FHIT: variants seen among roughly 807,000 people sequenced by gnomAD.
FHIT encodes fragile histidine triad diadenosine triphosphatase, also known as bis(5'-adenosyl)-triphosphatase.
A neutral mutation model predicts 17.9 loss-of-function variants in FHIT; 19 were observed. The ratio of observed to expected loss-of-function variants is 1.06; its 90% CI spans 0.74 to 1.56. The LOEUF is 1.56. Ranked by LOEUF, FHIT falls within the 40% of genes most tolerant of loss-of-function variation. The pLI is 0.00. For missense variants in FHIT, 248 were observed against 189.2 expected, an observed-to-expected ratio of 1.31 and a Z score of -1.82; for synonymous variants, 81 against 69.7, an observed-to-expected ratio of 1.16 and a Z score of -0.81.
At chr3:60,736,806 A>C (rs1350771590) in intron 4 of FHIT, among the ~76,000 whole-genome samples, 1 of 152,234 alleles carries the variant, frequency 6.6e-6, no homozygotes, top group Non-Finnish European at 1.5e-5. Flanking sequence ...TTATTTCAAT[A>C]AGAAAAATAT....
At chr3:60,901,320 G>A (rs1575664183) in intron 3 of FHIT, among the ~76,000 whole-genome samples, 1 of 152,216 alleles carries the variant, frequency 6.6e-6, no homozygotes, top group Admixed American at 6.5e-5. Context: ...CTCTTAAACT[G>A]TGCATTACCT....
intron 3 of FHIT, among the ~76,000 whole-genome samples, chr3:60,902,923 T>C (rs1341294282): frequency 6.6e-6 from 1 of 152,154 alleles, no homozygotes; most frequent in Admixed American, 6.5e-5. Flanking sequence ...AAGAGAGTCT[T>C]GGAAACAAGA....
chr3:60,805,535 C>T (rs1377123323), intron 4 of FHIT, among the ~76,000 whole-genome samples: 1 of 151,814 alleles, frequency 6.6e-6, no homozygotes, highest in African/African-American at 2.4e-5. Flanking sequence ...CATTAATTAC[C>T]TTTATTTTTA....
chr3:60,121,191 G>A (rs1705230144), intron 5 of FHIT, among the ~76,000 whole-genome samples: 1 of 152,088 alleles, frequency 6.6e-6, no homozygotes. Context: ...AAGGCTGTAA[G>A]AAGACAGAAG....
intron 5 of FHIT, among the ~76,000 whole-genome samples, chr3:60,336,270 G>A (rs1710235190): frequency 6.6e-6 from 1 of 152,188 alleles, no homozygotes; most frequent in African/African-American, 2.4e-5. Flanking sequence ...TGCTGATTCA[G>A]AAGTAAATGA....
At chr3:59,945,423 T>C (rs771652088) in intron 7 of FHIT, among the ~76,000 whole-genome samples, 19 of 152,170 alleles carry the variant, frequency 1.2e-4, no homozygotes, top group Non-Finnish European at 1.9e-4. Context: ...ATCTTATACT[T>C]TTGTCAGATG....
chr3:59,884,811 T>C (rs1477640972), intron 8 of FHIT, among the ~76,000 whole-genome samples: 1 of 152,184 alleles, frequency 6.6e-6, no homozygotes, highest in Non-Finnish European at 1.5e-5. Flanking sequence ...TATAGCAGGA[T>C]AGTATTAAAC....
intron 8 of FHIT, among the ~76,000 whole-genome samples, chr3:59,762,942 CCTT>C (rs1184726838): frequency 6.6e-6 from 1 of 152,162 alleles, no homozygotes; most frequent in African/African-American, 2.4e-5. Flanking sequence ...AAATGAAACT[CCTT>C]CTGAAAAGGA....
chr3:60,784,832 T>A (rs1411175857), intron 4 of FHIT, among the ~76,000 whole-genome samples: 1 of 152,178 alleles, frequency 6.6e-6, no homozygotes, highest in African/African-American at 2.4e-5. Flanking sequence ...AGTGCCCTTA[T>A]AAGGGGCTGA....
intron 5 of FHIT, among the ~76,000 whole-genome samples, chr3:60,204,442 T>TGG (rs199977808): frequency 5.1e-5 from 2 of 38,898 alleles, no homozygotes; most frequent in Non-Finnish European, 1.0e-4. Context: ...GCTAATATTC[T>TGG]GGTTTTTTTT....
At chr3:59,965,249 T>A (rs1181881179) in intron 7 of FHIT, among the ~76,000 whole-genome samples, 1 of 152,086 alleles carries the variant, frequency 6.6e-6, no homozygotes, top group African/African-American at 2.4e-5. Flanking sequence ...GTATGATATA[T>A]GGATGGAGGT....
At chr3:59,964,275 A>G (rs1397041984) in intron 7 of FHIT, among the ~76,000 whole-genome samples, 1 of 152,164 alleles carries the variant, frequency 6.6e-6, no homozygotes, top group Non-Finnish European at 1.5e-5. Flanking sequence ...GGAACATTTG[A>G]AATTAGCTTG....
intron 3 of FHIT, among the ~76,000 whole-genome samples, chr3:61,034,641 G>A (rs1008289156): frequency 5.3e-5 from 8 of 152,126 alleles, no homozygotes; most frequent in Non-Finnish European, 1.2e-4. Flanking sequence ...ACAAATGTTG[G>A]TAAAGATATA....
At chr3:59,948,551 A>AT (rs1706951809) in intron 7 of FHIT, among the ~76,000 whole-genome samples, 1 of 151,730 alleles carries the variant, frequency 6.6e-6, no homozygotes, top group African/African-American at 2.4e-5. Flanking sequence ...AAATAAATAA[A>AT]AAATAAATAA....
intron 4 of FHIT, among the ~76,000 whole-genome samples, chr3:60,632,973 C>T (rs1024555665): frequency 6.6e-6 from 1 of 152,088 alleles, no homozygotes; most frequent in Admixed American, 6.6e-5. Flanking sequence ...AGGTAGGTAT[C>T]TTGTGAGCAA....
intron 4 of FHIT, among the ~76,000 whole-genome samples, chr3:60,575,833 G>A (rs1347704477): frequency 6.6e-6 from 1 of 152,056 alleles, no homozygotes; most frequent in Non-Finnish European, 1.5e-5. Context: ...AGGGATGCCG[G>A]GACACCAAAG....
intron 5 of FHIT, among the ~76,000 whole-genome samples, chr3:60,129,803 C>G (rs2107258678): frequency 6.6e-6 from 1 of 152,162 alleles, no homozygotes; most frequent in East Asian, 1.9e-4. Context: ...TTAGTGATAT[C>G]CAATATATTA....
intron 5 of FHIT, among the ~76,000 whole-genome samples, chr3:60,159,868 C>T (rs1246682711): frequency 6.6e-6 from 1 of 152,154 alleles, no homozygotes; most frequent in East Asian, 1.9e-4. Context: ...CATTGCCTCA[C>T]ACTCAACAGC....
Position 59,750,225 on chromosome 3 carries a change from T to A in FHIT, c.*6-646A>T, listed in dbSNP as rs1700819808. The A allele has an allele frequency of 1.3e-5, 3 of 226,372 alleles. No homozygotes were observed. In the South Asian group the frequency reaches 5.5e-4, roughly 41 times the overall value. The allele number at this position is 226,372 out of a possible 1,614,324, so 14.0% of individuals were successfully genotyped here. A position where few individuals can be genotyped will look rare whatever the true frequency, so the allele number is the denominator to read the frequency against. ...TTGAATCTTCTTAAAGTTCTTAAAG[T>A]GTCTAGAAAAAGCATTCTAAGACAA... On this transcript the variant is annotated intron_variant, in intron 9 of 9. Transcript: ENST00000492590.
Sources: allele counts gnomAD v4.1 joint callset (sites outside exome capture counted in the v4.1 genomes callset), GRCh38; gene constraint gnomAD v4.1.1; transcripts MANE v1.5; gene names NCBI Gene and HGNC (gene_info 2026-07-23, HGNC 2026-07-21).